The following SLITRK3 variants were observed in gnomAD, a reference collection of about 807,000 sequenced individuals.
SLITRK3 encodes SLIT and NTRK like family member 3, also known as SLIT and NTRK-like protein 3.
SLITRK3 carries 16 observed loss-of-function variants against 63.6 expected under a neutral mutation model. The ratio of observed to expected loss-of-function variants is 0.25; its 90% CI spans 0.17 to 0.38. The LOEUF (loss-of-function observed/expected upper bound fraction) is 0.38. SLITRK3 is among the 10% of genes least tolerant of loss of function. The probability of loss-of-function intolerance (pLI) is 1.00; values close to 1 mark genes in which losing one functional copy is unlikely to be tolerated. For missense variants in SLITRK3, 1,117 were observed against 1,181.4 expected (o/e 0.95, Z 0.80); for synonymous variants, 547 against 451.6 (o/e 1.21, Z -2.68).
chr3:165,191,218 C>G (rs1232948504), intron 1 of SLITRK3, among the ~76,000 whole-genome samples: 1 of 152,206 alleles, frequency 6.6e-6, no homozygotes, highest in Admixed American at 6.5e-5. Flanking sequence ...GCCATCACAC[C>G]TGTTTGCCTG....
intron 1 of SLITRK3, among the ~76,000 whole-genome samples, chr3:165,194,808 C>A (rs7636798): frequency 3.2e-4 from 48 of 152,190 alleles, no homozygotes; most frequent in African/African-American, 1.1e-3. Context: ...AAACCCCTTA[C>A]GTTCTGGACC....
Position 165,190,723 on chromosome 3 carries a change from G to C in SLITRK3, c.108C>G (p.Asp36Glu). The C allele has an allele frequency of 6.2e-7, 1 of 1,614,046 alleles. No individual in the cohort carries two copies. Among genetic ancestry groups the C allele is most frequent in the Non-Finnish European group, 8.5e-7 (1 of 1,179,966 alleles). The change falls in exon 2 of 2, where the codon GAC becomes GAG. Residue 36 changes from aspartate to glutamate, a missense_variant. Physicochemically the swap from Asp to Glu is conservative, Grantham distance 45 (BLOSUM62 2). This residue lies in a region of SLITRK3 where 452 missense variants were observed against 495.3 expected (regional missense o/e 0.91). Transcript: ENST00000475390. The stretch of plus-strand genomic sequence containing the variant: ...AACAGGGCTCATCTATTTCCTCTGA[G>C]TCCTCTATTAGGGGAATCGGGGTAG... ...GWTTPIPLIE[D>E]SEEIDEPCFD...
chr3:165,191,611 A>G lies in SLITRK3; in HGVS notation c.-21-760T>C, dbSNP rs574102924. Among the ~76,000 whole-genome samples the G allele has an allele frequency of 1.1e-4, 16 of 152,362 alleles. 1 individual carries two copies. In the South Asian group the frequency reaches 3.3e-3, roughly 32 times the overall value. On this transcript the variant is annotated intron_variant, in intron 1 of 1. Coordinates refer to ENST00000475390, the MANE Select transcript of SLITRK3 (RefSeq NM_001318810.2). ...TGACTATTTAAAACATGTAGGAGTG[A>G]TTAGCCCTTCTAAAAAACATGCCCG...
upstream of SLITRK3, chr3:165,196,924 TCTC>T (rs1336749909): frequency 7.3e-6 from 1 of 136,584 alleles, no homozygotes; most frequent in Non-Finnish European, 1.6e-5. Context: ...TCTCTCTCTC[TCTC>T]CTCTCTCTGT....
rs1207541873 is a variant in SLITRK3, at chr3:165,186,899, T to C, written c.*998A>G. On this transcript the variant is annotated 3_prime_UTR_variant, in exon 2 of 2. Transcript: ENST00000475390. Reference sequence around the variant, plus strand: ...ATTAAAAGTGCTTCCTACAAAGCTGTTAGTGATATATACCCAGTTGCTTTT... The same window carrying C: ...ATTAAAAGTGCTTCCTACAAAGCTGCTAGTGATATATACCCAGTTGCTTTT... 2.0e-5 allele frequency: 3 copies of C among 152,464 alleles called. No homozygotes were observed. Among genetic ancestry groups the C allele is most frequent in the Non-Finnish European group, 4.4e-5 (3 of 68,010 alleles). The allele number at this position is 152,464 out of a possible 1,614,324, so 9.4% of individuals were successfully genotyped here. A position where few individuals can be genotyped will look rare whatever the true frequency, so the allele number is the denominator to read the frequency against.
chr3:165,190,595 G>T lies in SLITRK3; in HGVS notation c.236C>A (p.Pro79His). The T allele has an allele frequency of 6.2e-7, 1 of 1,613,832 alleles. No homozygotes were observed. Among genetic ancestry groups the T allele is most frequent in the Non-Finnish European group, 8.5e-7 (1 of 1,179,940 alleles). ...ATTCCTCTGCAGATACAGTTTAAAA[G>T]GTCTTGACCAGAACTCGGTAATCTG... is the stretch of plus-strand genomic sequence containing the variant. ...ISQITEFWSR[P>H]FKLYLQRNSM... is the part of the protein sequence containing the mutation. Residue 79 changes from proline (P) to histidine (H), a missense_variant, in exon 2 of 2, where the codon CCT becomes CAT. Transcript: ENST00000475390.
rs763947755 is a variant in SLITRK3 at position 165,187,903 on chromosome 3, C to A, written c.2928G>T (p.Arg976Ser). Reference protein sequence around the residue: ...YLEVLEKTTYRF With the variant: ...YLEVLEKTTYSF The stretch of plus-strand genomic sequence containing the variant: ...ATATATTTTCTTCTCTCTGTTAGAA[C>A]CTGTATGTTGTCTTCTCCAGGACTT... Residue 976 changes from arginine (R) to serine (S), a missense_variant, in exon 2 of 2, where the codon AGG becomes AGT. Transcript: ENST00000475390. 2 of 1,606,876 alleles carry A rather than the reference C, an allele frequency of 1.2e-6. No homozygotes were observed. The highest frequency in any genetic ancestry group is 1.7e-6 in the Non-Finnish European group (2 of 1,177,076).
chr3:165,188,958 C>G lies in SLITRK3; in HGVS notation c.1873G>C (p.Ala625Pro), dbSNP rs774702063. Residue 625 changes from alanine (A) to proline (P), a missense_variant, in exon 2 of 2, where the codon GCC becomes CCC. Physicochemically the swap from Ala to Pro is conservative, Grantham distance 27 (BLOSUM62 -1). Transcript: ENST00000475390. ...LHVAPAGESP[A>P]QPGDSHLIGA... ...ATAAGGTGAGAATCTCCAGGCTGGG[C>G]TGGGGATTCTCCAGCTGGTGCAACG... 3.7e-6 allele frequency: 6 copies of G among 1,614,108 alleles called. No homozygotes were observed. In the Admixed American group the frequency reaches 1.0e-4, roughly 27 times the overall value.
At chr3:165,190,937 G>A in intron 1 of SLITRK3, 86 bp from the exon 2 acceptor site, 2 of 971,620 alleles carry the variant, frequency 2.1e-6, no homozygotes, top group East Asian at 2.6e-5. Context: ...CATTTTAAGA[G>A]CTATATAAAA....
rs1718140129 is a variant in SLITRK3 at position 165,190,024 on chromosome 3, T to C, written c.807A>G (p.Gly269=). The C allele has an allele frequency of 6.2e-7, 1 of 1,614,104 alleles. No homozygotes were observed. Among genetic ancestry groups the C allele is most frequent in the Non-Finnish European group, 8.5e-7 (1 of 1,180,038 alleles). ...ITCETPFHFH[G]KDLREIRKTE... ...TCTTCCTGATTTCTCGTAGGTCCTT[T>C]CCATGGAAGTGGAAAGGGGTCTCAC... Residue 269 remains glycine (G), a synonymous_variant, in exon 2 of 2, where the codon GGA becomes GGG. Transcript: ENST00000475390.
chr3:165,189,898 G>A lies in SLITRK3; in HGVS notation c.933C>T (p.Ser311=), dbSNP rs144882754. ...TAAAATGAACAGAGGATAGCATTGA[G>A]GAAGGCTTAGTTGGCCATGCATTCT... ...SKENAWPTKP[S]SMLSSVHFTA... is the part of the protein sequence containing the mutation. Residue 311 remains serine (S), a synonymous_variant, in exon 2 of 2, where the codon TCC becomes TCT. Coordinates refer to ENST00000475390, the MANE Select transcript of SLITRK3 (RefSeq NM_001318810.2). This position sits in a 1 kb window ranked among gnomAD's most constrained non-coding sequence, Gnocchi z 4.0. 1.1e-5 allele frequency: 18 copies of A among 1,614,012 alleles called. No individual in the cohort carries two copies. The highest frequency in any genetic ancestry group is 1.5e-5 in the Non-Finnish European group (18 of 1,180,034).
Position 165,189,266 on chromosome 3 carries a change from T to C in SLITRK3, c.1565A>G (p.Asp522Gly). The change falls in exon 2 of 2, where the codon GAC becomes GGC. Residue 522 changes from aspartate to glycine, a missense_variant. Around this residue, in one of 4 missense-constraint regions of SLITRK3, gnomAD observed 158 missense variants for 197.2 expected, o/e 0.80. Coordinates refer to ENST00000475390, the MANE Select transcript of SLITRK3 (RefSeq NM_001318810.2). The surrounding 1 kb of genome is among the most constrained non-coding windows in gnomAD (Gnocchi z 4.0). ...GGCCAGGGATGTGCCAGCAAAGGCG[T>C]CTGTTGGCAGAGTCCTCAGTAAGTT... ...NNNLLRTLPTDAFAGTSLARL... is the reference protein window; with the variant it reads ...NNNLLRTLPTGAFAGTSLARL... 1 of 1,614,158 alleles carries C rather than the reference T, an allele frequency of 6.2e-7. No homozygotes were observed. Among genetic ancestry groups the C allele is most frequent in the Non-Finnish European group, 8.5e-7 (1 of 1,180,028 alleles).
chr3:165,190,176 G>T lies in SLITRK3; in HGVS notation c.655C>A (p.His219Asn). 6.2e-7 allele frequency: 1 copy of T among 1,614,172 alleles called. No homozygotes were observed. Among genetic ancestry groups the T allele is most frequent in the Non-Finnish European group, 8.5e-7 (1 of 1,180,024 alleles). ...AGCTCCATCAGGCTTCTGCCAATGT[G>T]ATCTAGCATTCCTCGGTAAAAAAGA... ...KVLFYRGMLD[H>N]IGRSLMELQL... The change falls in exon 2 of 2, where the codon CAC becomes AAC. Residue 219 changes from histidine to asparagine, a missense_variant. Coordinates refer to ENST00000475390, the MANE Select transcript of SLITRK3 (RefSeq NM_001318810.2).
chr3:165,190,928 A>G (rs1718201617), intron 1 of SLITRK3, 77 bp from the exon 2 acceptor site: 2 of 1,028,556 alleles, frequency 1.9e-6, no homozygotes, highest in Non-Finnish European at 2.8e-6. Context: ...CATGTGGGGC[A>G]TTTTAAGAGC....
At chr3:165,194,761 T>G (rs112183318) in intron 1 of SLITRK3, among the ~76,000 whole-genome samples, 2,179 of 152,326 alleles carry the variant, frequency 0.014, 26 homozygotes, top group Middle Eastern at 0.031. Context: ...CGGTAAATGT[T>G]GTCTCGGCAA....
rs1718007782 is a variant in SLITRK3, at chr3:165,187,785, G to T, written c.*112C>A. On this transcript the variant is annotated 3_prime_UTR_variant, in exon 2 of 2. Coordinates refer to ENST00000475390, the MANE Select transcript of SLITRK3 (RefSeq NM_001318810.2). ...TTTTAGTTTTGTTCAGGGTAGGAAA[G>T]ATCGTGAGGATGGAGTTACTGGGAC... 2 of 865,234 alleles carry T rather than the reference G, an allele frequency of 2.3e-6. No homozygotes were observed. Among genetic ancestry groups the T allele is most frequent in the South Asian group, 3.6e-5 (2 of 56,218 alleles). 53.6% of individuals were successfully genotyped at this position (865,234 alleles called of 1,614,324 possible).
At position 165,193,497 on chromosome 3, in the gene SLITRK3, G is replaced by A. The variant is rs183515454; in HGVS notation, c.-22+2083C>T. On this transcript the variant is annotated intron_variant, in intron 1 of 1. Coordinates refer to ENST00000475390, the MANE Select transcript of SLITRK3 (RefSeq NM_001318810.2). Reference sequence around the variant, plus strand: ...TCCAGGTCCCCAAAGCAGAAAAGCTGAATCTGTCTGATTCTGCCTGGGTGT... The same window carrying A: ...TCCAGGTCCCCAAAGCAGAAAAGCTAAATCTGTCTGATTCTGCCTGGGTGT... Among the ~76,000 whole-genome samples the A allele has an allele frequency of 6.4e-3, 955 of 149,124 alleles. 3 individuals carry two copies. Among genetic ancestry groups the A allele is most frequent in the Middle Eastern group, 0.01 (3 of 292 alleles).
chr3:165,188,128 G>A lies in SLITRK3; in HGVS notation c.2703C>T (p.Asp901=). ...ATTTGGGCACTGTTCCATAGAGACA[G>A]TCCACAAATCCCACTGTGCAGGGGG... ...QPAPCTVGFV[D]CLYGTVPKLK... The change falls in exon 2 of 2, where the codon GAC becomes GAT. Residue 901 remains aspartate (D), a synonymous_variant. Coordinates refer to ENST00000475390, the MANE Select transcript of SLITRK3 (RefSeq NM_001318810.2). The A allele has an allele frequency of 6.2e-7, 1 of 1,613,526 alleles. No individual in the cohort carries two copies. Among genetic ancestry groups the A allele is most frequent in the Non-Finnish European group, 8.5e-7 (1 of 1,179,802 alleles).
In SLITRK3 at chr3:165,188,155, A is replaced by C; in HGVS notation, c.2676T>G (p.Pro892=). The C allele has an allele frequency of 6.2e-7, 1 of 1,613,446 alleles. No homozygotes were observed. Among genetic ancestry groups the C allele is most frequent in the East Asian group, 2.2e-5 (1 of 44,828 alleles). ...CCACAAATCCCACTGTGCAGGGGGC[A>C]GGCTGTGGCCTCTCTCGATCTAGTA... ...SMLLDRERPQ[P]APCTVGFVDC... The change falls in exon 2 of 2, where the codon CCT becomes CCG. Residue 892 remains proline (P), a synonymous_variant. Transcript: ENST00000475390.
Sources: gnomAD v4.1 joint callset for allele counts (sites outside exome capture counted in the v4.1 genomes callset) on GRCh38, gnomAD v4.1.1 for gene constraint, gnomAD v4.1.1 regional missense constraint, Gnocchi (gnomAD v3.1) non-coding constraint, MANE v1.5 for transcripts, NCBI Gene and HGNC (gene_info 2026-07-23, HGNC 2026-07-21) for gene names.